The following PCDHGA1 variants were observed in gnomAD, a reference collection of about 807,000 sequenced individuals.
The protein encoded by PCDHGA1 is protocadherin gamma-A1.
In PCDHGA1, 32 loss-of-function variants were observed where a neutral mutation model predicts 58.0. That is an observed-to-expected ratio of 0.55 (90% CI 0.42 to 0.74). PCDHGA1 has a LOEUF of 0.74. PCDHGA1 is among the 30% of genes least tolerant of loss of function. The pLI is 0.00. For missense variants in PCDHGA1, 1,205 were observed against 1,182.3 expected (o/e 1.02, Z -0.28); for synonymous variants, 498 against 501.1 (o/e 0.99, Z 0.08).
At chr5:141,360,274 G>T (rs1171208146) in intron 1 of PCDHGA1, 9 of 1,613,806 alleles carry the variant, frequency 5.6e-6, no homozygotes, top group Non-Finnish European at 5.9e-6. Context: ...AAACTCGGTC[G>T]TAGGAAACCT....
chr5:141,422,926 G>GC, intron 1 of PCDHGA1: 1 of 1,614,230 alleles, frequency 6.2e-7, no homozygotes, highest in African/African-American at 1.3e-5. Context: ...CCTGTACCCT[G>GC]CCCTCCCCAC....
chr5:141,413,337 G>A, intron 1 of PCDHGA1: 1 of 1,613,978 alleles, frequency 6.2e-7, no homozygotes, highest in Non-Finnish European at 8.5e-7. Flanking sequence ...ACATCTCCAA[G>A]GACTTGGGTC....
intron 1 of PCDHGA1, among the ~76,000 whole-genome samples, chr5:141,386,669 A>T (rs774102519): frequency 4.6e-5 from 7 of 152,086 alleles, no homozygotes; most frequent in Admixed American, 1.3e-4. Flanking sequence ...CAGTGTTCAC[A>T]TTTCAGATGT....
intron 1 of PCDHGA1, among the ~76,000 whole-genome samples, chr5:141,336,892 A>T (rs1308693976): frequency 6.6e-6 from 1 of 152,248 alleles, no homozygotes; most frequent in Non-Finnish European, 1.5e-5. Flanking sequence ...CATGTATCTG[A>T]GAATGGATAT....
At chr5:141,410,012 C>T (rs1256228205) in intron 1 of PCDHGA1, 24 of 1,613,212 alleles carry the variant, frequency 1.5e-5, no homozygotes, top group Non-Finnish European at 2.0e-5. Context: ...CAACGCCTGG[C>T]TGTCCTACCA....
intron 1 of PCDHGA1, chr5:141,383,187 C>T (rs572411306): frequency 6.2e-7 from 1 of 1,614,076 alleles, no homozygotes; most frequent in Non-Finnish European, 8.5e-7. Flanking sequence ...AAGAGATCTG[C>T]GCTCAGAGTG....
At chr5:141,388,658 G>T in intron 1 of PCDHGA1, 7 of 1,613,908 alleles carry the variant, frequency 4.3e-6, no homozygotes, top group Non-Finnish European at 5.9e-6. Context: ...TGTACCCGGG[G>T]ACCACGGTGC....
rs1430260899 is a variant in PCDHGA1, at chr5:141,415,763, T to G, written c.2422-79044T>G. On this transcript the variant is annotated intron_variant, in intron 1 of 3. Transcript: ENST00000517417. ...AGGTTTTTTTTTTTTTTTTTTTTTT[T>G]TTTTTTTTTACTTTCTGGTAAAATT... is the stretch of plus-strand genomic sequence containing the variant. The G allele has an allele frequency of 1.1e-5, 15 of 1,398,354 alleles. No homozygotes were observed. The African/African-American group carries it at 2.1e-4, about 19-fold the overall frequency. 86.6% of individuals were successfully genotyped at this position (1,398,354 alleles called of 1,614,324 possible). A position where few individuals can be genotyped will look rare whatever the true frequency, so the allele number is the denominator to read the frequency against.
intron 1 of PCDHGA1, chr5:141,344,571 C>G: frequency 1.2e-6 from 2 of 1,614,022 alleles, no homozygotes; most frequent in Non-Finnish European, 8.5e-7. Context: ...CTACTTCTCT[C>G]TGGCTGTGAA....
chr5:141,404,683 GGCACCCCGCTCT>G (rs1306876302), intron 1 of PCDHGA1: 2 of 1,614,070 alleles, frequency 1.2e-6, no homozygotes, highest in Admixed American at 1.7e-5. Context: ...GTGTGGAGCT[GGCACCCCGCTCT>G]GCAGAGCCTG....
chr5:141,365,324 A>T, intron 1 of PCDHGA1: 1 of 1,613,936 alleles, frequency 6.2e-7, no homozygotes, highest in Non-Finnish European at 8.5e-7. Context: ...TGCCAGCGCT[A>T]AGGTGGTGGT....
intron 1 of PCDHGA1, chr5:141,478,814 C>T (rs1271237848): frequency 6.9e-7 from 1 of 1,451,050 alleles, no homozygotes; most frequent in East Asian, 2.5e-5. Context: ...GCTATCACAA[C>T]TAACCAATCT....
intron 1 of PCDHGA1, chr5:141,400,747 G>A: frequency 1.7e-6 from 1 of 602,780 alleles, no homozygotes; most frequent in Non-Finnish European, 2.9e-6. Flanking sequence ...TTTGCTCTTA[G>A]CTTCCTCTCT....
At chr5:141,374,469 A>G in intron 1 of PCDHGA1, 1 of 1,612,698 alleles carries the variant, frequency 6.2e-7, no homozygotes, top group Non-Finnish European at 8.5e-7. Flanking sequence ...ATTAATGACA[A>G]TACACCCCGA....
chr5:141,349,388 T>TA (rs1039087121), intron 1 of PCDHGA1, among the ~76,000 whole-genome samples: 5 of 152,098 alleles, frequency 3.3e-5, no homozygotes, highest in African/African-American at 1.2e-4. Context: ...TACATTCATA[T>TA]AAAAAAGAAG....
At position 141,512,280 on chromosome 5, in the gene PCDHGA1, TGGAAGGGTCAGC is replaced by T. The variant is rs1187119941; in HGVS notation, c.*1111_*1122del. The T allele has an allele frequency of 1.3e-5, 2 of 152,682 alleles. No individual in the cohort carries two copies. Among genetic ancestry groups the T allele is most frequent in the African/African-American group, 2.4e-5 (1 of 41,396 alleles). 9.5% of individuals were successfully genotyped at this position (152,682 alleles called of 1,614,324 possible). ...CTGGGTACTCCAGAGGTGCCACTGGTGGAAGGGTCAGCGGAGCCCCAGCAGGAAGGGTGGGCC... is the reference window on the plus strand; with the variant it reads ...CTGGGTACTCCAGAGGTGCCACTGGTGGAGCCCCAGCAGGAAGGGTGGGCC... On this transcript the variant is annotated 3_prime_UTR_variant, in exon 4 of 4. Transcript: ENST00000517417.
At chr5:141,427,896 C>T in intron 1 of PCDHGA1, 2 of 1,570,508 alleles carry the variant, frequency 1.3e-6, no homozygotes, top group Non-Finnish European at 1.7e-6. Context: ...CCAGGGCTCG[C>T]CCGCGCTCAG....
intron 1 of PCDHGA1, among the ~76,000 whole-genome samples, chr5:141,449,677 A>G (rs543079734): frequency 6.3e-4 from 96 of 151,362 alleles, no homozygotes; most frequent in Non-Finnish European, 1.1e-3. Flanking sequence ...GTGTATGTAT[A>G]TATGTTTGTG....
chr5:141,389,504 C>A (rs564944158), intron 1 of PCDHGA1: 1 of 1,613,088 alleles, frequency 6.2e-7, no homozygotes, highest in African/African-American at 1.3e-5. Flanking sequence ...CGCCAGCGCT[C>A]AGCGCGAACG....
Sources: allele counts gnomAD v4.1 joint callset (sites outside exome capture counted in the v4.1 genomes callset), GRCh38; gene constraint gnomAD v4.1.1; transcripts MANE v1.5; gene names NCBI Gene and HGNC (gene_info 2026-07-23, HGNC 2026-07-21).